Variants in FRAS1 observed in about 807,000 individuals in gnomAD.
FRAS1 encodes the protein Fraser extracellular matrix complex subunit 1, also known as extracellular matrix organizing protein FRAS1.
Under a neutral mutation model 435.2 loss-of-function variants are expected in FRAS1, and 290 were observed. The observed-to-expected ratio is 0.67, with a 90% confidence interval of 0.61 to 0.73. The LOEUF (loss-of-function observed/expected upper bound fraction) is 0.73, where lower values mean the gene tolerates loss of function less well. Ranked by LOEUF, FRAS1 falls within the 30% of genes least tolerant of loss-of-function variation. FRAS1 has a pLI of 0.00. For synonymous variants in FRAS1, 1,800 were observed against 1,851.0 expected (o/e 0.97, Z 0.71); for missense variants, 4,860 against 5,001.5 (o/e 0.97, Z 0.85).
At chr4:78,282,716 T>C (rs990921190) in intron 11 of FRAS1, 104 bp from the exon 12 acceptor site, 1 of 1,300,012 alleles carries the variant, frequency 7.7e-7, no homozygotes, top group South Asian at 1.3e-5. Flanking sequence ...ACTGATTAGC[T>C]GCCTTCACTT....
In FRAS1 at chr4:78,522,753, G is replaced by T; in HGVS notation, c.10753G>T (p.Ala3585Ser). ...IEFDLQLLWS[A>S]QTFDSPHQLW... ...ATTTGACTTGCAGCTATTATGGAGC[G>T]CTCAGACTTTTGATTCTCCACATCA... The change falls in exon 69 of 74, where the codon GCT becomes TCT. Residue 3585 changes from alanine to serine, a missense_variant. By Grantham distance (99) the Ala-to-Ser change is moderately conservative. Coordinates refer to ENST00000512123, the MANE Select transcript of FRAS1 (RefSeq NM_025074.7). 3 of 1,612,122 alleles carry T rather than the reference G, an allele frequency of 1.9e-6. No homozygotes were observed. The highest frequency in any genetic ancestry group is 2.7e-5 in the African/African-American group (2 of 74,962).
chr4:78,432,372 A>G lies in FRAS1; in HGVS notation c.4985A>G (p.Tyr1662Cys), dbSNP rs779598095. 2 of 1,601,330 alleles carry G rather than the reference A, an allele frequency of 1.2e-6. No homozygotes were observed. The highest frequency in any genetic ancestry group is 1.7e-6 in the Non-Finnish European group (2 of 1,173,040). ...TTCTTGGAAGGTGACACTTTCACCT[A>G]TGAGGATGTTGAGAAAAATGCTCTA... ...RPMATGDTFT[Y>C]EDVEKNALQY... The change falls in exon 38 of 74, where the codon TAT becomes TGT. Residue 1662 changes from tyrosine to cysteine, a missense_variant. By Grantham distance (194) the Tyr-to-Cys change is radical. Transcript: ENST00000512123.
At chr4:78,435,756 A>T (rs2109819362) in intron 38 of FRAS1, among the ~76,000 whole-genome samples, 1 of 151,576 alleles carries the variant, frequency 6.6e-6, no homozygotes, top group East Asian at 1.9e-4. Flanking sequence ...AAAAAAAACA[A>T]CCAGTCATAG....
At chr4:78,406,359 G>T (rs1348301455) in intron 30 of FRAS1, among the ~76,000 whole-genome samples, 1 of 152,174 alleles carries the variant, frequency 6.6e-6, no homozygotes, top group Non-Finnish European at 1.5e-5. Flanking sequence ...ACCTAAGACT[G>T]GGAAGAGAAA....
rs1384923066 is a variant in FRAS1, at chr4:78,441,281, T to C, written c.5649T>C (p.Ile1883=). 1 of 1,612,658 alleles carries C rather than the reference T, an allele frequency of 6.2e-7. No individual in the cohort carries two copies. Among genetic ancestry groups the C allele is most frequent in the African/African-American group, 1.3e-5 (1 of 75,016 alleles). Residue 1883 remains isoleucine, a synonymous_variant, in exon 41 of 74, where the codon ATT becomes ATC. Transcript: ENST00000512123. Reference sequence around the variant, plus strand: ...GTGCTCTGCCCAAATATGGCTGCATTGAGAACACAGGAACAGGTACTACTT... The same window carrying C: ...GTGCTCTGCCCAAATATGGCTGCATCGAGAACACAGGAACAGGTACTACTT... ...KLSALPKYGC[I]ENTGTGDRFG...
In FRAS1 at chr4:78,068,917, C is replaced by T. The variant is rs571810810; in HGVS notation, c.108+2901C>T. On this transcript the variant is annotated intron_variant, in intron 2 of 73. Transcript: ENST00000512123. ...GCTGCTCTCTCTCCACATGCCCTAG[C>T]GTTAAAGAAAAGCATTGTGTCTACA... Among the ~76,000 whole-genome samples the T allele has an allele frequency of 2.0e-4, 28 of 142,460 alleles. 1 individual carries two copies. The South Asian group carries it at 5.9e-3, about 30-fold the overall frequency. The allele number at this position is 142,460 out of a possible 152,430, so 93.5% of individuals were successfully genotyped here.
At position 78,542,103 on chromosome 4, in the gene FRAS1, T is replaced by A. The variant is rs1168601155; in HGVS notation, c.*979T>A. On this transcript the variant is annotated 3_prime_UTR_variant, in exon 74 of 74. Coordinates refer to ENST00000512123, the MANE Select transcript of FRAS1 (RefSeq NM_025074.7). Reference sequence around the variant, plus strand: ...TTAGTGCTTCGGGAAAGTAAGTGATTCATTTGAATAAGGCAAATTAGGAGA... The same window carrying A: ...TTAGTGCTTCGGGAAAGTAAGTGATACATTTGAATAAGGCAAATTAGGAGA... 3 of 152,234 alleles carry A rather than the reference T, an allele frequency of 2.0e-5. No individual in the cohort carries two copies. The highest frequency in any genetic ancestry group is 7.2e-5 in the African/African-American group (3 of 41,438). 9.4% of individuals were successfully genotyped at this position (152,234 alleles called of 1,614,324 possible).
intron 29 of FRAS1, among the ~76,000 whole-genome samples, chr4:78,388,999 A>G (rs1476003052): frequency 1.3e-5 from 2 of 152,212 alleles, no homozygotes; most frequent in South Asian, 2.1e-4. Flanking sequence ...GTAGAATTAT[A>G]CTTTTTTTCT....
Position 78,441,166 on chromosome 4 carries a change from A to G in FRAS1, c.5534A>G (p.Asp1845Gly). 6.2e-7 allele frequency: 1 copy of G among 1,613,710 alleles called. No homozygotes were observed. Among genetic ancestry groups the G allele is most frequent in the Non-Finnish European group, 8.5e-7 (1 of 1,179,774 alleles). Residue 1845 changes from aspartate (D) to glycine (G), a missense_variant, in exon 41 of 74, where the codon GAT becomes GGT. Transcript: ENST00000512123. Reference protein sequence around the residue: ...VIAFADLITVDEGGRAPLSFH... With the variant: ...VIAFADLITVGEGGRAPLSFH... ...CTATGTTCTTTTCTTTCTTAGGTTG[A>G]TGAGGGAGGGAGAGCACCACTCTCA...
At chr4:78,319,684 A>G (rs187326563) in intron 18 of FRAS1, 47 of 243,726 alleles carry the variant, frequency 1.9e-4, no homozygotes, top group Non-Finnish European at 3.5e-4. Flanking sequence ...CCATTTTGTT[A>G]TAATATCTGA....
chr4:78,515,218 G>C (rs552534835), intron 65 of FRAS1, among the ~76,000 whole-genome samples: 15 of 151,872 alleles, frequency 9.9e-5, no homozygotes, highest in African/African-American at 3.4e-4. Flanking sequence ...AGAGTTACAG[G>C]CATCATTAGT....
chr4:78,263,726 A>G (rs1726223578), intron 6 of FRAS1, among the ~76,000 whole-genome samples: 2 of 152,240 alleles, frequency 1.3e-5, no homozygotes, highest in South Asian at 4.1e-4. Context: ...ATATTCCATT[A>G]AACAATCAGT....
intron 2 of FRAS1, among the ~76,000 whole-genome samples, chr4:78,130,967 G>A (rs542334977): frequency 2.0e-5 from 3 of 152,264 alleles, no homozygotes; most frequent in African/African-American, 4.8e-5. Flanking sequence ...ATTTCCACTA[G>A]CCATCAAGCT....
At chr4:78,181,888 G>C in intron 2 of FRAS1, 1 of 1,611,520 alleles carries the variant, frequency 6.2e-7, no homozygotes, top group South Asian at 1.1e-5. Flanking sequence ...CCTGAGCTGC[G>C]CTCTTGGCCC....
chr4:78,426,937 A>G (rs1734018280), intron 35 of FRAS1, among the ~76,000 whole-genome samples: 1 of 152,212 alleles, frequency 6.6e-6, no homozygotes, highest in Non-Finnish European at 1.5e-5. Flanking sequence ...AAACAGCTGT[A>G]TGATGTGACC....
chr4:78,323,296 T>G (rs780551000), intron 18 of FRAS1, among the ~76,000 whole-genome samples: 4 of 152,222 alleles, frequency 2.6e-5, no homozygotes, highest in Non-Finnish European at 5.9e-5. Context: ...TATTAAATAT[T>G]ACTACTGAGT....
At chr4:78,429,278 G>T in intron 36 of FRAS1, 52 bp downstream of exon 36, 2 of 1,557,402 alleles carry the variant, frequency 1.3e-6, no homozygotes, top group Non-Finnish European at 8.7e-7. Context: ...GGATCATATT[G>T]CTGCCCCTCT....
intron 73 of FRAS1, among the ~76,000 whole-genome samples, chr4:78,539,699 C>G (rs1347122809): frequency 6.6e-6 from 1 of 152,182 alleles, no homozygotes; most frequent in African/African-American, 2.4e-5. Context: ...GCATATGACA[C>G]TCCAGTTTTT....
intron 53 of FRAS1, among the ~76,000 whole-genome samples, chr4:78,474,482 C>T (rs1215042676): frequency 2.0e-5 from 3 of 152,196 alleles, no homozygotes; most frequent in African/African-American, 7.2e-5. Flanking sequence ...CTATTCTACT[C>T]TTACACACAT....
Sources: allele counts gnomAD v4.1 joint callset (sites outside exome capture counted in the v4.1 genomes callset), GRCh38; gene constraint gnomAD v4.1.1; transcripts MANE v1.5; gene names NCBI Gene and HGNC (gene_info 2026-07-23, HGNC 2026-07-21).